SEL1L3: variants seen among roughly 807,000 people sequenced by gnomAD.
SEL1L3 encodes SEL1L family member 3.
A neutral mutation model predicts 142.8 loss-of-function variants in SEL1L3; 76 were observed. That is an observed-to-expected ratio of 0.53 (90% CI 0.44 to 0.64). The LOEUF (loss-of-function observed/expected upper bound fraction) is 0.64. Ranked by LOEUF, SEL1L3 falls within the 30% of genes least tolerant of loss-of-function variation. The pLI is 0.00. For synonymous variants in SEL1L3, 504 were observed against 519.6 expected (o/e 0.97, Z 0.41); for missense variants, 1,262 against 1,381.7 (o/e 0.91, Z 1.37).
chr4:25,800,317 ATTC>A (rs1713088261), intron 11 of SEL1L3, among the ~76,000 whole-genome samples: 1 of 152,236 alleles, frequency 6.6e-6, no homozygotes, highest in Non-Finnish European at 1.5e-5. Flanking sequence ...TTAATTACCC[ATTC>A]TTAAGAAAAT....
intron 11 of SEL1L3, among the ~76,000 whole-genome samples, chr4:25,793,820 G>C (rs1712526853): frequency 6.6e-6 from 1 of 152,112 alleles, no homozygotes; most frequent in African/African-American, 2.4e-5. Flanking sequence ...TTCAAATCTA[G>C]GCTCCACTAC....
the SEL1L3 span, among the ~76,000 whole-genome samples, chr4:25,734,774 G>C: frequency 6.6e-6 from 1 of 151,906 alleles, no homozygotes; most frequent in African/African-American, 2.4e-5. Flanking sequence ...TCGCCATGTT[G>C]GTCAGGCTGG....
intron 23 of SEL1L3, chr4:25,756,792 C>T: frequency 4.9e-6 from 6 of 1,214,484 alleles, no homozygotes; most frequent in Non-Finnish European, 6.3e-6. Flanking sequence ...GATTTTTATT[C>T]ATTACGAGTG....
At chr4:25,722,623 GCTTTT>G in the SEL1L3 span, among the ~76,000 whole-genome samples, 1 of 125,124 alleles carries the variant, frequency 8.0e-6, no homozygotes. Context: ...TCCAAAGGAG[GCTTTT>G]TTTTTTTTTT....
chr4:25,759,099 A>G (rs1269361543), intron 20 of SEL1L3, 31 bp from the exon 21 acceptor site: 1 of 1,605,986 alleles, frequency 6.2e-7, no homozygotes, highest in Non-Finnish European at 8.5e-7. Context: ...AAACTCATCA[A>G]ATCCTTGAAA....
intron 9 of SEL1L3, among the ~76,000 whole-genome samples, chr4:25,812,180 G>A (rs563300874): frequency 2.0e-5 from 3 of 149,200 alleles, no homozygotes; most frequent in African/African-American, 2.6e-5. Context: ...CACACATGGC[G>A]TGTTTGTGCC....
intron 21 of SEL1L3, among the ~76,000 whole-genome samples, chr4:25,758,529 G>A (rs989979679): frequency 3.9e-5 from 6 of 152,092 alleles, no homozygotes; most frequent in African/African-American, 2.4e-5. Context: ...TTCCATTCTC[G>A]TGGAAATTTC....
the SEL1L3 span, among the ~76,000 whole-genome samples, chr4:25,732,827 T>G: frequency 1.3e-5 from 2 of 152,128 alleles, no homozygotes; most frequent in African/African-American, 4.8e-5. Flanking sequence ...AAGGCTTACC[T>G]CCACCTCCCA....
At chr4:25,813,322 TG>T (rs1714156818) in intron 9 of SEL1L3, among the ~76,000 whole-genome samples, 2 of 152,166 alleles carry the variant, frequency 1.3e-5, no homozygotes, top group South Asian at 4.1e-4. Flanking sequence ...GATGGATGAA[TG>T]GATAAATAAA....
chr4:25,810,523 A>C (rs1713949753), intron 9 of SEL1L3, among the ~76,000 whole-genome samples: 1 of 152,252 alleles, frequency 6.6e-6, no homozygotes, highest in African/African-American at 2.4e-5. Context: ...CTCTTAAATA[A>C]TGAAAAAACA....
downstream of SEL1L3, among the ~76,000 whole-genome samples, chr4:25,745,688 G>C (rs1316897203): frequency 6.6e-6 from 1 of 152,228 alleles, no homozygotes; most frequent in East Asian, 1.9e-4. Flanking sequence ...CAATACACAA[G>C]ACAACCCTGC....
At chr4:25,832,936 A>G (rs1313437309) in intron 5 of SEL1L3, 59 bp downstream of exon 5, 2 of 1,062,482 alleles carry the variant, frequency 1.9e-6, no homozygotes, top group African/African-American at 3.1e-5. Context: ...CTTTATAGCA[A>G]TGCTTAACTT....
intron 16 of SEL1L3, among the ~76,000 whole-genome samples, chr4:25,778,557 T>C (rs1719791058): frequency 6.6e-6 from 1 of 152,166 alleles, no homozygotes; most frequent in African/African-American, 2.4e-5. Flanking sequence ...ATGGTCATAA[T>C]AATGTAAACC....
Position 25,835,278 on chromosome 4 carries a change from T to C in SEL1L3, c.779A>G (p.Asn260Ser). 6.2e-7 allele frequency: 1 copy of C among 1,613,978 alleles called. No individual in the cohort carries two copies. Among genetic ancestry groups the C allele is most frequent in the Admixed American group, 1.7e-5 (1 of 60,028 alleles). ...CGGGAACTTCTTGACAATGCCTGTG[T>C]TTTCTCCACTGGAGGCATAAGGAAA... ...LGFPYASSGE[N>S]TGIVKKFPRF... Residue 260 changes from asparagine to serine, a missense_variant, in exon 3 of 24, where the codon AAC becomes AGC. By Grantham distance (46) the Asn-to-Ser change is conservative. This residue lies in a region of SEL1L3 where 689 missense variants were observed against 692.8 expected (regional missense o/e 0.99). Coordinates refer to ENST00000399878, the MANE Select transcript of SEL1L3 (RefSeq NM_015187.5).
Position 25,781,836 on chromosome 4 carries a change from T to G in SEL1L3, c.2457+406A>C, listed in dbSNP as rs553617675. ...CTAAAGATTGCCATTGTGTTTTCAT[T>G]ATTATTAAAACTGGTTTCACACCAG... On this transcript the variant is annotated intron_variant, in intron 15 of 23. Coordinates refer to ENST00000399878, the MANE Select transcript of SEL1L3 (RefSeq NM_015187.5). 2.0e-4 allele frequency among the ~76,000 whole-genome samples: 30 copies of G among 152,328 alleles called. 1 individual carries two copies. The South Asian group carries it at 6.0e-3, about 31-fold the overall frequency.
chr4:25,780,882 G>A (rs1214562172), intron 15 of SEL1L3, among the ~76,000 whole-genome samples: 1 of 150,168 alleles, frequency 6.7e-6, no homozygotes, highest in Non-Finnish European at 1.5e-5. Context: ...CTGGAGTACA[G>A]TGGCACAATC....
intron 2 of SEL1L3, among the ~76,000 whole-genome samples, chr4:25,844,624 T>C (rs1001296828): frequency 6.6e-6 from 1 of 152,216 alleles, no homozygotes; most frequent in Admixed American, 6.5e-5. Flanking sequence ...ATGATTTCAT[T>C]TGGAAACTTC....
intron 1 of SEL1L3, among the ~76,000 whole-genome samples, chr4:25,854,758 T>A (rs907771023): frequency 2.0e-5 from 3 of 152,078 alleles, no homozygotes; most frequent in African/African-American, 7.2e-5. Context: ...TGGTGGAGAG[T>A]GTTGACATTT....
At chr4:25,747,348 C>T (rs1222453626), downstream of SEL1L3, 2 of 151,876 alleles carry the variant, frequency 1.3e-5, no homozygotes, top group East Asian at 1.9e-4. Context: ...TCTTTTTTCC[C>T]TCCTCAAGGA....
Sources: allele counts gnomAD v4.1 joint callset (sites outside exome capture counted in the v4.1 genomes callset), GRCh38; gene constraint gnomAD v4.1.1; regional missense constraint gnomAD v4.1.1; transcripts MANE v1.5; gene names NCBI Gene and HGNC (gene_info 2026-07-23, HGNC 2026-07-21).